Variants in YWHAZ observed in about 807,000 individuals in gnomAD.
The protein encoded by YWHAZ is tyrosine 3-monooxygenase/tryptophan 5-monooxygenase activation protein zeta, also known as 14-3-3 protein zeta/delta.
For synonymous variants in YWHAZ, 87 were observed against 103.6 expected, an observed-to-expected ratio of 0.84 and a Z score of 0.97; for missense variants, 79 against 284.8, an observed-to-expected ratio of 0.28 and a Z score of 5.20.
chr8:100,953,089 C>T (rs922173507), upstream of YWHAZ: 4 of 992,232 alleles, frequency 4.0e-6, no homozygotes, highest in African/African-American at 7.0e-5. Context: ...TTAGGGAAGC[C>T]AGAGTTCCGA....
At position 100,948,263 on chromosome 8, in the gene YWHAZ, G is replaced by A; in HGVS notation, c.294+333C>T. The A allele has an allele frequency of 2.3e-6, 2 of 853,654 alleles. No homozygotes were observed. Among genetic ancestry groups the A allele is most frequent in the East Asian group, 2.8e-5 (1 of 36,304 alleles). The allele number at this position is 853,654 out of a possible 1,614,324, so 52.9% of individuals were successfully genotyped here. On this transcript the variant is annotated intron_variant, in intron 2 of 5. Coordinates refer to ENST00000395958, the MANE Select transcript of YWHAZ (RefSeq NM_145690.3). This position sits in a 1 kb window ranked among gnomAD's most constrained non-coding sequence, Gnocchi z 4.2. ...CCTTTATCCACAGATGTACATTTAAGATAACCAGCTATAGAGCTACTACAA... is the reference window on the plus strand; with the variant it reads ...CCTTTATCCACAGATGTACATTTAAAATAACCAGCTATAGAGCTACTACAA...
rs147224542 is a variant in YWHAZ at position 100,943,752 on chromosome 8, C to T, written c.294+4844G>A. Among the ~76,000 whole-genome samples the T allele has an allele frequency of 2.4e-3, 360 of 152,084 alleles. 3 individuals carry two copies. Among genetic ancestry groups the T allele is most frequent in the African/African-American group, 7.7e-3 (318 of 41,492 alleles). On this transcript the variant is annotated intron_variant, in intron 2 of 5. Transcript: ENST00000395958. ...CTGTAATCCCAGCACTTTGGGAGGCCGAGGCAGGTGGATCACGAGGTCAGG... is the reference window on the plus strand; with the variant it reads ...CTGTAATCCCAGCACTTTGGGAGGCTGAGGCAGGTGGATCACGAGGTCAGG...
In YWHAZ at chr8:100,948,239, C is replaced by T; in HGVS notation, c.294+357G>A. 1 of 1,108,490 alleles carries T rather than the reference C, an allele frequency of 9.0e-7. No individual in the cohort carries two copies. Among genetic ancestry groups the T allele is most frequent in the Non-Finnish European group, 1.3e-6 (1 of 799,700 alleles). The allele number at this position is 1,108,490 out of a possible 1,614,324, so 68.7% of individuals were successfully genotyped here. Reference sequence around the variant, plus strand: ...CTCTTACCTAAAGTATGTAAAATTCCTTTATCCACAGATGTACATTTAAGA... The same window carrying T: ...CTCTTACCTAAAGTATGTAAAATTCTTTTATCCACAGATGTACATTTAAGA... On this transcript the variant is annotated intron_variant, in intron 2 of 5. Transcript: ENST00000395958. The surrounding 1 kb of genome is among the most constrained non-coding windows in gnomAD (Gnocchi z 4.2).
intron 2 of YWHAZ, among the ~76,000 whole-genome samples, chr8:100,945,608 T>C (rs922800984): frequency 4.6e-5 from 7 of 152,092 alleles, no homozygotes; most frequent in Non-Finnish European, 8.8e-5. Flanking sequence ...TTAAAATATT[T>C]TTACTAATCA....
intron 2 of YWHAZ, among the ~76,000 whole-genome samples, chr8:100,943,795 G>C (rs966055624): frequency 6.6e-6 from 1 of 152,068 alleles, no homozygotes; most frequent in Non-Finnish European, 1.5e-5. Flanking sequence ...GACCATCTTG[G>C]CTAACACGGT....
At chr8:100,933,111 A>C (rs1256572416) in intron 2 of YWHAZ, among the ~76,000 whole-genome samples, 1 of 152,188 alleles carries the variant, frequency 6.6e-6, no homozygotes, top group Non-Finnish European at 1.5e-5. Flanking sequence ...CTGTAACTCC[A>C]GCACTTTGGG....
intron 1 of YWHAZ, chr8:100,950,337 A>T (rs965478356): frequency 4.4e-5 from 43 of 977,936 alleles, no homozygotes; most frequent in Non-Finnish European, 5.0e-5. Context: ...TTTCTCACAC[A>T]GTAACGAGTG....
chr8:100,933,909 C>T (rs1389220646), intron 2 of YWHAZ, among the ~76,000 whole-genome samples: 5 of 151,926 alleles, frequency 3.3e-5, no homozygotes, highest in Non-Finnish European at 5.9e-5. Flanking sequence ...GTAATCCCAG[C>T]ACTTTGGGAG....
intron 2 of YWHAZ, among the ~76,000 whole-genome samples, chr8:100,935,737 G>A (rs1419554089): frequency 6.6e-6 from 1 of 152,078 alleles, no homozygotes; most frequent in Non-Finnish European, 1.5e-5. Flanking sequence ...GAAGTCAAGG[G>A]TCCTAGATTA....
chr8:100,951,410 G>A (rs1207002362), intron 1 of YWHAZ: 4 of 982,216 alleles, frequency 4.1e-6, no homozygotes, highest in Non-Finnish European at 4.8e-6. Flanking sequence ...GCGAGGGGGA[G>A]GGAAAGGAGG....
chr8:100,944,071 A>T (rs1461112637), intron 2 of YWHAZ, among the ~76,000 whole-genome samples: 3 of 152,154 alleles, frequency 2.0e-5, no homozygotes, highest in Non-Finnish European at 2.9e-5. Flanking sequence ...GGGATTATTT[A>T]TACTTTGAAA....
At chr8:100,923,105 T>C (rs752771209) in intron 5 of YWHAZ, 8 of 152,164 alleles carry the variant, frequency 5.3e-5, no homozygotes, top group Non-Finnish European at 8.8e-5. Flanking sequence ...TAGAATAAAG[T>C]TGGAAGAGAA....
chr8:100,950,481 G>A, intron 1 of YWHAZ: 3 of 985,440 alleles, frequency 3.0e-6, no homozygotes, highest in Non-Finnish European at 3.6e-6. Flanking sequence ...TCCGGTCCGC[G>A]TATCGCAACC....
chr8:100,926,805 A>G (rs1197118730), intron 2 of YWHAZ, among the ~76,000 whole-genome samples: 1 of 151,834 alleles, frequency 6.6e-6, no homozygotes, highest in Non-Finnish European at 1.5e-5. Context: ...GATCTGCCTC[A>G]AACAGTGGAA....
intron 2 of YWHAZ, among the ~76,000 whole-genome samples, chr8:100,936,939 T>C (rs1814188939): frequency 6.6e-6 from 1 of 152,160 alleles, no homozygotes; most frequent in African/African-American, 2.4e-5. Flanking sequence ...CTGATCCACA[T>C]TAAAGGAGAG....
chr8:100,919,884 C>A lies in YWHAZ; in HGVS notation c.*809G>T, dbSNP rs868532393. ...AGGCAAGTATCAAAAAAAAAAAAAT[C>A]ACAAAAGCAAAAATCCTAAAAAAAA... On this transcript the variant is annotated 3_prime_UTR_variant, in exon 6 of 6. Coordinates refer to ENST00000395958, the MANE Select transcript of YWHAZ (RefSeq NM_145690.3). 1 of 114,676 alleles carries A rather than the reference C, an allele frequency of 8.7e-6. No individual in the cohort carries two copies. The highest frequency in any genetic ancestry group is 2.8e-4 in the East Asian group (1 of 3,588). The allele number at this position is 114,676 out of a possible 1,614,324, so 7.1% of individuals were successfully genotyped here. A position where few individuals can be genotyped will look rare whatever the true frequency, so the allele number is the denominator to read the frequency against.
intron 5 of YWHAZ, among the ~76,000 whole-genome samples, chr8:100,921,861 C>A (rs932275602): frequency 6.6e-6 from 1 of 152,264 alleles, no homozygotes; most frequent in African/African-American, 2.4e-5. Context: ...GAGGTAATTA[C>A]AAAAGGATTC....
chr8:100,951,825 G>A, intron 1 of YWHAZ, 104 bp downstream of exon 1: 1 of 985,608 alleles, frequency 1.0e-6, no homozygotes, highest in Non-Finnish European at 1.2e-6. Flanking sequence ...CGCCGCCACC[G>A]CGGGGCGAGT....
chr8:100,951,962 C>G lies in YWHAZ; in HGVS notation c.-45G>C. 1 of 1,002,324 alleles carries G rather than the reference C, an allele frequency of 1.0e-6. No individual in the cohort carries two copies. 62.1% of individuals were successfully genotyped at this position (1,002,324 alleles called of 1,614,324 possible). ...GGAGTGGGTGGTGGCGGCGGACGGA[C>G]GGGCTCAGCAGTCTCTGGGCGGCGG... On this transcript the variant is annotated 5_prime_UTR_variant, in exon 1 of 6. Coordinates refer to ENST00000395958, the MANE Select transcript of YWHAZ (RefSeq NM_145690.3).
Sources: gnomAD v4.1 joint callset for allele counts (sites outside exome capture counted in the v4.1 genomes callset) on GRCh38, gnomAD v4.1.1 for gene constraint, Gnocchi (gnomAD v3.1) non-coding constraint, MANE v1.5 for transcripts, NCBI Gene and HGNC (gene_info 2026-07-23, HGNC 2026-07-21) for gene names.